The following NALF1 variants were observed in gnomAD, a reference collection of about 807,000 sequenced individuals.
NALF1 encodes the protein family with sequence similarity 155 member A.
Under a neutral mutation model 48.4 loss-of-function variants are expected in NALF1, and 3 were observed. The ratio of observed to expected loss-of-function variants is 0.06; its 90% CI spans 0.03 to 0.16. The LOEUF is 0.16. Among genes scored for constraint, NALF1 ranks in the 10% least tolerant of loss-of-function variants. The pLI is 1.00. For synonymous variants in NALF1, 262 were observed against 245.7 expected, an observed-to-expected ratio of 1.07 and a Z score of -0.62; for missense variants, 526 against 571.5, an observed-to-expected ratio of 0.92 and a Z score of 0.81.
intron 1 of NALF1, among the ~76,000 whole-genome samples, chr13:107,585,780 G>A (rs11618084): frequency 2.6e-5 from 4 of 151,878 alleles, no homozygotes; most frequent in African/African-American, 9.7e-5. Context: ...TTATTTTTTC[G>A]GCCATTACCA....
chr13:107,462,973 T>C (rs1290853177), intron 1 of NALF1, among the ~76,000 whole-genome samples: 1 of 152,160 alleles, frequency 6.6e-6, no homozygotes, highest in Non-Finnish European at 1.5e-5. Flanking sequence ...TCATGGAGCC[T>C]GAGGGTGGTC....
At chr13:107,335,515 ATTTTC>A (rs890713365) in intron 1 of NALF1, among the ~76,000 whole-genome samples, 3 of 152,140 alleles carry the variant, frequency 2.0e-5, no homozygotes, top group African/African-American at 7.2e-5. Flanking sequence ...AAAATTGAAC[ATTTTC>A]TTTTAATTTT....
At chr13:107,704,181 T>A (rs1881892841) in intron 1 of NALF1, among the ~76,000 whole-genome samples, 1 of 152,244 alleles carries the variant, frequency 6.6e-6, no homozygotes, top group Non-Finnish European at 1.5e-5. Flanking sequence ...TATTTTAGTG[T>A]ACATTTGTGC....
In NALF1 at chr13:107,168,789, C is replaced by CTGTT. The variant is rs956084083; in HGVS notation, c.*1704_*1707dup. 2.0e-5 allele frequency: 3 copies of CTGTT among 152,432 alleles called. No homozygotes were observed. Among genetic ancestry groups the CTGTT allele is most frequent in the African/African-American group, 7.3e-5 (3 of 41,370 alleles). 9.4% of individuals were successfully genotyped at this position (152,432 alleles called of 1,614,324 possible). A position where few individuals can be genotyped will look rare whatever the true frequency, so the allele number is the denominator to read the frequency against. On this transcript the variant is annotated 3_prime_UTR_variant, in exon 3 of 3. Transcript: ENST00000375915. ...TTAAGTATGATGCAGAGGTTAAAGT[C>CTGTT]TGTTTGAACAAAAACAAATGCCCGG...
intron 1 of NALF1, among the ~76,000 whole-genome samples, chr13:107,242,196 C>T (rs1400249646): frequency 6.6e-6 from 1 of 152,212 alleles, no homozygotes; most frequent in Non-Finnish European, 1.5e-5. Flanking sequence ...CTTCGACAAT[C>T]CTTGATCAAA....
chr13:107,758,669 C>T (rs773569360), intron 1 of NALF1, among the ~76,000 whole-genome samples: 4 of 151,814 alleles, frequency 2.6e-5, no homozygotes, highest in Non-Finnish European at 4.4e-5. Flanking sequence ...GGTAGTGAGC[C>T]GAGATAGCGC....
chr13:107,589,602 A>T (rs1566405428), intron 1 of NALF1, among the ~76,000 whole-genome samples: 1 of 152,094 alleles, frequency 6.6e-6, no homozygotes, highest in Non-Finnish European at 1.5e-5. Flanking sequence ...GCAATTAAAT[A>T]TTAATTTTAT....
intron 1 of NALF1, among the ~76,000 whole-genome samples, chr13:107,608,952 C>A (rs538116308): frequency 6.6e-6 from 1 of 152,122 alleles, no homozygotes. Context: ...GGGATGGTGC[C>A]GAGTGGGGCA....
At chr13:107,665,352 C>T (rs1474855618) in intron 1 of NALF1, among the ~76,000 whole-genome samples, 2 of 152,092 alleles carry the variant, frequency 1.3e-5, no homozygotes, top group Non-Finnish European at 2.9e-5. Flanking sequence ...AGACAATAGA[C>T]AACAGAAGAC....
intron 1 of NALF1, among the ~76,000 whole-genome samples, chr13:107,378,261 TG>T (rs2138971228): frequency 6.6e-6 from 1 of 152,302 alleles, no homozygotes; most frequent in East Asian, 1.9e-4. Flanking sequence ...TATATTTCCC[TG>T]AAGTTCAGTT....
intron 1 of NALF1, among the ~76,000 whole-genome samples, chr13:107,314,978 T>A (rs1414037067): frequency 6.6e-6 from 1 of 152,156 alleles, no homozygotes; most frequent in East Asian, 1.9e-4. Flanking sequence ...TCTATGAAAG[T>A]ATCAACCCAA....
intron 1 of NALF1, among the ~76,000 whole-genome samples, chr13:107,622,391 A>G (rs538372298): frequency 6.6e-6 from 1 of 152,000 alleles, no homozygotes; most frequent in African/African-American, 2.4e-5. Context: ...CAGTGAGCCG[A>G]GATCGCACCG....
intron 2 of NALF1, among the ~76,000 whole-genome samples, chr13:107,199,186 G>C (rs146005947): frequency 4.1e-4 from 62 of 152,222 alleles, no homozygotes; most frequent in African/African-American, 1.5e-3. Flanking sequence ...TGGACACAGA[G>C]AGGAAATTTG....
At chr13:107,696,840 T>C (rs1418570473) in intron 1 of NALF1, among the ~76,000 whole-genome samples, 3 of 152,174 alleles carry the variant, frequency 2.0e-5, no homozygotes, top group Non-Finnish European at 4.4e-5. Context: ...ATTTTGTAGA[T>C]TGCGTCCTTG....
At chr13:107,569,344 T>G (rs562382224) in intron 1 of NALF1, among the ~76,000 whole-genome samples, 145 of 151,972 alleles carry the variant, frequency 9.5e-4, no homozygotes, top group African/African-American at 3.4e-3. Context: ...TGGTGGTGGG[T>G]GCTTGTAGTC....
At chr13:107,782,335 G>C (rs550668836) in intron 1 of NALF1, among the ~76,000 whole-genome samples, 38 of 152,220 alleles carry the variant, frequency 2.5e-4, no homozygotes, top group Non-Finnish European at 4.6e-4. Flanking sequence ...GATTGCAGAC[G>C]GTGTCTGGTT....
intron 1 of NALF1, among the ~76,000 whole-genome samples, chr13:107,593,962 C>T (rs1486353041): frequency 1.3e-5 from 2 of 151,916 alleles, no homozygotes; most frequent in Non-Finnish European, 2.9e-5. Flanking sequence ...CTGTAGAATA[C>T]CGAGCTTTAG....
chr13:107,386,513 G>A (rs2138978892), intron 1 of NALF1, among the ~76,000 whole-genome samples: 2 of 152,274 alleles, frequency 1.3e-5, no homozygotes, highest in East Asian at 3.9e-4. Context: ...GTTCTGGGAA[G>A]AGTCTTCGAA....
At chr13:107,469,874 G>C (rs1417544917) in intron 1 of NALF1, among the ~76,000 whole-genome samples, 1 of 150,722 alleles carries the variant, frequency 6.6e-6, no homozygotes, top group Non-Finnish European at 1.5e-5. Flanking sequence ...CTCCCGAGTA[G>C]GTGGGACTAC....
Sources: allele counts gnomAD v4.1 joint callset (sites outside exome capture counted in the v4.1 genomes callset), GRCh38; gene constraint gnomAD v4.1.1; transcripts MANE v1.5; gene names NCBI Gene and HGNC (gene_info 2026-07-23, HGNC 2026-07-21).